Variants in B4GALT5 observed in about 807,000 individuals in gnomAD.
The protein encoded by B4GALT5 is UDP-Gal:beta-GlcNAc beta-1,4-galactosyltransferase 5.
B4GALT5 carries 11 observed loss-of-function variants against 45.0 expected under a neutral mutation model. The observed-to-expected ratio is 0.24, with a 90% CI of 0.15 to 0.40. The LOEUF (loss-of-function observed/expected upper bound fraction) is 0.40. Ranked by LOEUF, B4GALT5 falls within the 10% of genes least tolerant of loss-of-function variation. The pLI, the probability that B4GALT5 is intolerant of heterozygous loss-of-function variation, is 1.00. For missense variants in B4GALT5, 337 were observed against 500.2 expected (o/e 0.67, Z 3.11); for synonymous variants, 185 against 182.9 (o/e 1.01, Z -0.09).
At chr20:49,694,663 AG>A (rs2085830708) in intron 1 of B4GALT5, among the ~76,000 whole-genome samples, 1 of 41,808 alleles carries the variant, frequency 2.4e-5, no homozygotes, top group Non-Finnish European at 7.6e-5. Flanking sequence ...GGAAAAGGAA[AG>A]GGAAAGGGAA....
At chr20:49,639,537 T>A (rs1390936998) in intron 7 of B4GALT5, 141 bp downstream of exon 7, 3 of 1,322,504 alleles carry the variant, frequency 2.3e-6, no homozygotes, top group Non-Finnish European at 3.0e-6. Context: ...TCAATTTCAT[T>A]TTTTTCCTTA....
intron 1 of B4GALT5, among the ~76,000 whole-genome samples, chr20:49,713,244 G>A (rs934884834): frequency 2.0e-5 from 3 of 151,800 alleles, no homozygotes; most frequent in Admixed American, 1.3e-4. Context: ...TCGAGCAGAG[G>A]AGCGGGAAGT....
intron 1 of B4GALT5, among the ~76,000 whole-genome samples, chr20:49,707,877 G>A (rs2146363500): frequency 6.7e-6 from 1 of 150,132 alleles, no homozygotes; most frequent in South Asian, 2.1e-4. Context: ...GCTTCCCAGA[G>A]TGCCGGGATT....
At chr20:49,645,725 G>A (rs1453438782) in intron 3 of B4GALT5, among the ~76,000 whole-genome samples, 1 of 151,818 alleles carries the variant, frequency 6.6e-6, no homozygotes, top group Non-Finnish European at 1.5e-5. Context: ...CTCCAGCCTG[G>A]GCAACAAGAG....
At chr20:49,679,198 A>T (rs1166174435) in intron 1 of B4GALT5, among the ~76,000 whole-genome samples, 1 of 152,186 alleles carries the variant, frequency 6.6e-6, no homozygotes, top group Non-Finnish European at 1.5e-5. Context: ...GCCACATCTT[A>T]AAAATAACCT....
At chr20:49,687,677 A>C (rs1321925969) in intron 1 of B4GALT5, among the ~76,000 whole-genome samples, 6 of 152,042 alleles carry the variant, frequency 3.9e-5, no homozygotes, top group African/African-American at 7.3e-5. Flanking sequence ...AAATAAACAG[A>C]TAATTTATTT....
At chr20:49,664,572 C>T (rs935655400) in intron 1 of B4GALT5, among the ~76,000 whole-genome samples, 5 of 151,598 alleles carry the variant, frequency 3.3e-5, no homozygotes, top group Non-Finnish European at 7.4e-5. Flanking sequence ...CATAACTAAA[C>T]GCAATACATG....
At chr20:49,672,464 C>T (rs990185119) in intron 1 of B4GALT5, among the ~76,000 whole-genome samples, 3 of 152,228 alleles carry the variant, frequency 2.0e-5, no homozygotes, top group Non-Finnish European at 4.4e-5. Context: ...CTCCAGATGG[C>T]TTGTCTTTTG....
chr20:49,705,363 ATTCT>A (rs2085879632), intron 1 of B4GALT5, among the ~76,000 whole-genome samples: 1 of 152,164 alleles, frequency 6.6e-6, no homozygotes, highest in Non-Finnish European at 1.5e-5. Context: ...ATTTCCAAAA[ATTCT>A]TTCTGATTTT....
chr20:49,692,919 A>G (rs1395678279), intron 1 of B4GALT5, among the ~76,000 whole-genome samples: 1 of 152,238 alleles, frequency 6.6e-6, no homozygotes, highest in Non-Finnish European at 1.5e-5. Context: ...GACTAGCTGC[A>G]TATCCAATGG....
chr20:49,713,492 G>T, intron 1 of B4GALT5, 84 bp downstream of exon 1: 1 of 1,382,094 alleles, frequency 7.2e-7, no homozygotes, highest in Non-Finnish European at 9.9e-7. Context: ...CCTCCCGGCC[G>T]GGGCCCCTTA....
intron 1 of B4GALT5, among the ~76,000 whole-genome samples, chr20:49,692,181 T>C (rs2085816118): frequency 6.6e-6 from 1 of 151,956 alleles, no homozygotes; most frequent in Middle Eastern, 3.2e-3. Context: ...TTCACTGTAG[T>C]GTGCCTTATA....
intron 1 of B4GALT5, among the ~76,000 whole-genome samples, chr20:49,657,426 G>T (rs1401128231): frequency 6.6e-6 from 1 of 152,136 alleles, no homozygotes; most frequent in African/African-American, 2.4e-5. Flanking sequence ...GCATTTTCCT[G>T]AAGTCTCTCT....
In B4GALT5 at chr20:49,636,582, A is replaced by C. The variant is rs937418068; in HGVS notation, c.1020-123T>G. On this transcript the variant is annotated intron_variant, in intron 8 of 8. Transcript: ENST00000371711. ...ACCCATGGCAGCACTTCTGCAGCACAAGGTGGGCGCACGGCCAATTCTGCT... is the reference window on the plus strand; with the variant it reads ...ACCCATGGCAGCACTTCTGCAGCACCAGGTGGGCGCACGGCCAATTCTGCT... The C allele has an allele frequency of 1.1e-5, 12 of 1,132,846 alleles. No homozygotes were observed. In the South Asian group the frequency reaches 1.8e-4, roughly 17 times the overall value. The allele number at this position is 1,132,846 out of a possible 1,614,324, so 70.2% of individuals were successfully genotyped here. A position where few individuals can be genotyped will look rare whatever the true frequency, so the allele number is the denominator to read the frequency against.
At chr20:49,657,156 T>C (rs2085646954) in intron 1 of B4GALT5, among the ~76,000 whole-genome samples, 3 of 152,212 alleles carry the variant, frequency 2.0e-5, no homozygotes, top group Non-Finnish European at 2.9e-5. Context: ...ACTGAAGCCA[T>C]GGTCTGAAGC....
At chr20:49,682,153 C>T (rs2085766723) in intron 1 of B4GALT5, among the ~76,000 whole-genome samples, 1 of 152,192 alleles carries the variant, frequency 6.6e-6, no homozygotes, top group East Asian at 1.9e-4. Flanking sequence ...TCAGAGTACA[C>T]ATCAAACTCT....
chr20:49,649,647 T>A (rs6095599), intron 2 of B4GALT5, among the ~76,000 whole-genome samples: 71,026 of 151,982 alleles, frequency 0.47, 17,576 homozygotes, highest in South Asian at 0.65. Context: ...ACAGAAATTC[T>A]CTGAGCTCAG....
chr20:49,676,307 T>C (rs1255676017), intron 1 of B4GALT5, among the ~76,000 whole-genome samples: 1 of 151,958 alleles, frequency 6.6e-6, no homozygotes, highest in Non-Finnish European at 1.5e-5. Context: ...CCTTCTAAAT[T>C]CCCCCTAAAT....
chr20:49,691,410 A>G (rs1164974174), intron 1 of B4GALT5, among the ~76,000 whole-genome samples: 1 of 152,156 alleles, frequency 6.6e-6, no homozygotes, highest in East Asian at 1.9e-4. Flanking sequence ...AGTCCCAGCT[A>G]CTCAGGAGGT....
Sources: allele counts gnomAD v4.1 joint callset (sites outside exome capture counted in the v4.1 genomes callset), GRCh38; gene constraint gnomAD v4.1.1; transcripts MANE v1.5; gene names NCBI Gene and HGNC (gene_info 2026-07-23, HGNC 2026-07-21).